Variants in DEPDC1 observed in about 807,000 individuals in gnomAD.
The protein encoded by DEPDC1 is DEP domain containing 1.
Under a neutral mutation model 86.8 loss-of-function variants are expected in DEPDC1, and 66 were observed. The observed-to-expected ratio is 0.76, with a 90% CI of 0.62 to 0.93. The LOEUF (loss-of-function observed/expected upper bound fraction) is 0.93. Among genes scored for constraint, DEPDC1 ranks in the 40% least tolerant of loss-of-function variants. DEPDC1 has a pLI of 0.00. For synonymous variants in DEPDC1, 255 were observed against 314.9 expected (o/e 0.81, Z 2.02); for missense variants, 792 against 935.7 (o/e 0.85, Z 2.00).
intron 4 of DEPDC1, 101 bp downstream of exon 4, chr1:68,488,815 C>A (rs1456873218): frequency 1.2e-6 from 1 of 843,764 alleles, no homozygotes; most frequent in Non-Finnish European, 2.0e-6. Context: ...TCTAAGCTTT[C>A]AGAATTAATC....
At chr1:68,481,964 G>T in intron 8 of DEPDC1, 82 bp downstream of exon 8, 1 of 1,369,492 alleles carries the variant, frequency 7.3e-7, no homozygotes, top group Non-Finnish European at 9.7e-7. Flanking sequence ...GCAACTTCAA[G>T]GAAGAAAAGC....
Position 68,475,764 on chromosome 1 carries a change from T to G in DEPDC1, c.*1168A>C, listed in dbSNP as rs891561274. On this transcript the variant is annotated 3_prime_UTR_variant, in exon 12 of 12. Coordinates refer to ENST00000456315, the MANE Select transcript of DEPDC1 (RefSeq NM_001114120.3). ...GAGAGTCATTTATACTTGGCAGGCA[T>G]TTTCTTCCAATGAAAAAATAAAGTC... 6.6e-6 allele frequency: 1 copy of G among 151,880 alleles called. No individual in the cohort carries two copies. Among genetic ancestry groups the G allele is most frequent in the Non-Finnish European group, 1.5e-5 (1 of 67,846 alleles). The allele number at this position is 151,880 out of a possible 1,614,324, so 9.4% of individuals were successfully genotyped here. A position where few individuals can be genotyped will look rare whatever the true frequency, so the allele number is the denominator to read the frequency against.
intron 11 of DEPDC1, 63 bp downstream of exon 11, chr1:68,477,724 T>C (rs1185967149): frequency 2.8e-6 from 3 of 1,083,090 alleles, no homozygotes; most frequent in Non-Finnish European, 3.8e-6. Flanking sequence ...TAAATGTTAT[T>C]AACAACCAGG....
intron 11 of DEPDC1, 82 bp from the exon 12 acceptor site, chr1:68,477,151 AGT>A: frequency 8.1e-7 from 1 of 1,233,598 alleles, no homozygotes; most frequent in Non-Finnish European, 1.1e-6. Context: ...ATAAGAATTC[AGT>A]GTTTTTCTCA....
chr1:68,496,179 A>C lies in DEPDC1; in HGVS notation c.48+773T>G, dbSNP rs1276892905. On this transcript the variant is annotated intron_variant, in intron 1 of 11. Coordinates refer to ENST00000456315, the MANE Select transcript of DEPDC1 (RefSeq NM_001114120.3). This position sits in a 1 kb window ranked among gnomAD's most constrained non-coding sequence, Gnocchi z 4.0. ...TCGTCTGAAGGGCATTCCTAAGAGGAAAATGCTTGTTATTCTGCAGATCAC... is the reference window on the plus strand; with the variant it reads ...TCGTCTGAAGGGCATTCCTAAGAGGCAAATGCTTGTTATTCTGCAGATCAC... Among the ~76,000 whole-genome samples the C allele has an allele frequency of 6.6e-6, 1 of 152,198 alleles. No individual in the cohort carries two copies.
At chr1:68,484,192 G>T in intron 6 of DEPDC1, 102 bp from the exon 7 acceptor site, 1 of 874,252 alleles carries the variant, frequency 1.1e-6, no homozygotes, top group Non-Finnish European at 1.6e-6. Flanking sequence ...AAGGAGCTAG[G>T]TTTAACAACA....
chr1:68,484,009 A>G lies in DEPDC1; in HGVS notation c.851T>C (p.Leu284Pro), dbSNP rs767256978. The G allele has an allele frequency of 6.3e-7, 1 of 1,576,384 alleles. No homozygotes were observed. The change falls in exon 7 of 12, where the codon CTA (leucine) becomes CCA (proline). Residue 284 changes from leucine (L) to proline (P), a missense_variant. By Grantham distance (98) the Leu-to-Pro change is moderately conservative. Transcript: ENST00000456315. ...AGTAAGTAGAGGTTCAGGGAGATCT[A>G]GAAAATAATCTGCGATTGTTCTGAA... is the stretch of plus-strand genomic sequence containing the variant. ...DVFRTIADYF[L>P]DLPEPLLTFE...
intron 5 of DEPDC1, among the ~76,000 whole-genome samples, chr1:68,487,678 C>T (rs1196924291): frequency 1.3e-5 from 2 of 151,714 alleles, no homozygotes; most frequent in Non-Finnish European, 2.9e-5. Context: ...AAGTTCTTGC[C>T]CATAAAAAGA....
intron 4 of DEPDC1, among the ~76,000 whole-genome samples, 156 bp downstream of exon 4, chr1:68,488,760 G>T (rs190539146): frequency 1.3e-4 from 20 of 151,834 alleles, no homozygotes; most frequent in African/African-American, 4.6e-4. Flanking sequence ...CTCTACTAGA[G>T]CTATAACAAG....
chr1:68,481,382 G>T, intron 9 of DEPDC1, 58 bp downstream of exon 9: 1 of 1,463,986 alleles, frequency 6.8e-7, no homozygotes, highest in Non-Finnish European at 9.4e-7. Context: ...TACGTAGTTT[G>T]GTTTTGTTAT....
chr1:68,489,923 T>C (rs1282632178), intron 2 of DEPDC1, among the ~76,000 whole-genome samples: 1 of 152,072 alleles, frequency 6.6e-6, no homozygotes, highest in African/African-American at 2.4e-5. Flanking sequence ...TGATGAGTTA[T>C]CTAGTTTGTA....
intron 9 of DEPDC1, among the ~76,000 whole-genome samples, chr1:68,481,143 T>C (rs908613757): frequency 3.9e-5 from 6 of 152,122 alleles, no homozygotes; most frequent in East Asian, 1.9e-4. Flanking sequence ...CCAAACAGAA[T>C]TGGCACAAGG....
At chr1:68,478,110 C>G in intron 10 of DEPDC1, 138 bp from the exon 11 acceptor site, 1 of 528,032 alleles carries the variant, frequency 1.9e-6, no homozygotes, top group Non-Finnish European at 3.0e-6. Context: ...ATGTATTATG[C>G]AGTAGAGGTA....
At chr1:68,480,254 A>AC (rs71071308) in intron 9 of DEPDC1, among the ~76,000 whole-genome samples, 12,579 of 130,832 alleles carry the variant, frequency 0.096, 696 homozygotes, top group African/African-American at 0.16. Context: ...TAACTGTACC[A>AC]CACACACACA....
Position 68,482,249 on chromosome 1 carries a change from C to T in DEPDC1, c.1559G>A (p.Arg520Lys), listed in dbSNP as rs1326692240. Residue 520 changes from arginine (R) to lysine (K), a missense_variant, in exon 8 of 12, where the codon AGA becomes AAA. By Grantham distance (26) the Arg-to-Lys change is conservative. Coordinates refer to ENST00000456315, the MANE Select transcript of DEPDC1 (RefSeq NM_001114120.3). The part of the protein sequence containing the change: ...SQSLLLRSST[R>K]RNSYINTPVA... ...TGGTGTATTGATATAACTATTCCTT[C>T]TTGTACTACTTCTTAAAAGCAAACT... 1 of 1,612,654 alleles carries T rather than the reference C, an allele frequency of 6.2e-7. No homozygotes were observed. Among genetic ancestry groups the T allele is most frequent in the Non-Finnish European group, 8.5e-7 (1 of 1,179,178 alleles).
intron 5 of DEPDC1, among the ~76,000 whole-genome samples, chr1:68,487,717 C>G (rs1646201822): frequency 6.6e-6 from 1 of 151,860 alleles, no homozygotes; most frequent in Admixed American, 6.6e-5. Context: ...TCAGTTAATT[C>G]CACAGACAGA....
rs55915411 is a variant in DEPDC1, at chr1:68,486,881, A to AACACACACAC, written c.769+46_769+55dup. On this transcript the variant is annotated intron_variant, in intron 6 of 11. Transcript: ENST00000456315. ...GGTTCTTGTTAAATACTATCAATAT[A>AACACACACAC]ACACACACACACACACACACACACA... 16 of 1,177,342 alleles carry AACACACACAC rather than the reference A, an allele frequency of 1.4e-5. No homozygotes were observed. In the East Asian group the frequency reaches 1.7e-4, roughly 13 times the overall value. 72.9% of individuals were successfully genotyped at this position (1,177,342 alleles called of 1,614,324 possible).
At chr1:68,492,041 G>A (rs752431806) in intron 2 of DEPDC1, among the ~76,000 whole-genome samples, 4 of 151,808 alleles carry the variant, frequency 2.6e-5, no homozygotes, top group Admixed American at 6.6e-5. Context: ...ACAGGTGTGA[G>A]CCACTCTGCC....
chr1:68,492,524 T>C (rs781048221), intron 2 of DEPDC1, among the ~76,000 whole-genome samples: 17 of 152,036 alleles, frequency 1.1e-4, no homozygotes, highest in Admixed American at 4.6e-4. Context: ...CTGGGCAACA[T>C]AGTGAAACCC....
Sources: gnomAD v4.1 joint callset for allele counts (sites outside exome capture counted in the v4.1 genomes callset) on GRCh38, gnomAD v4.1.1 for gene constraint, Gnocchi (gnomAD v3.1) non-coding constraint, MANE v1.5 for transcripts, NCBI Gene and HGNC (gene_info 2026-07-23, HGNC 2026-07-21) for gene names.